Variants in DCDC2 observed in about 807,000 individuals in gnomAD.
DCDC2 encodes doublecortin domain containing 2, also known as doublecortin domain-containing protein 2.
Under a neutral mutation model 50.2 loss-of-function variants are expected in DCDC2, and 40 were observed. The observed-to-expected ratio is 0.80, with a 90% CI of 0.62 to 1.04. The LOEUF (loss-of-function observed/expected upper bound fraction) is 1.04. Among genes scored for constraint, DCDC2 ranks in the 50% least tolerant of loss-of-function variants. The probability of loss-of-function intolerance (pLI) is 0.00; values close to 1 mark genes in which losing one functional copy is unlikely to be tolerated. For missense variants in DCDC2, 570 were observed against 581.9 expected (o/e 0.98, Z 0.21); for synonymous variants, 234 against 210.6 (o/e 1.11, Z -0.96).
At chr6:24,361,113 T>C (rs1760658723), upstream of DCDC2, among the ~76,000 whole-genome samples, 1 of 152,196 alleles carries the variant, frequency 6.6e-6, no homozygotes, top group Admixed American at 6.5e-5. Context: ...AGAAATATTT[T>C]TATTAAAGCC....
intron 2 of DCDC2, among the ~76,000 whole-genome samples, chr6:24,332,105 T>C (rs1466306897): frequency 6.6e-6 from 1 of 152,208 alleles, no homozygotes; most frequent in South Asian, 2.1e-4. Context: ...TGAATTGTAA[T>C]TGAAATACAT....
chr6:24,340,674 T>C (rs1244572712), intron 2 of DCDC2, among the ~76,000 whole-genome samples: 4 of 152,196 alleles, frequency 2.6e-5, no homozygotes, highest in Non-Finnish European at 4.4e-5. Context: ...TCACTTAGAA[T>C]ATAATTAACA....
At chr6:24,371,474 G>T in the DCDC2 span, among the ~76,000 whole-genome samples, 4 of 152,074 alleles carry the variant, frequency 2.6e-5, no homozygotes, top group African/African-American at 4.8e-5. Context: ...CGGGTGTGGT[G>T]GCACATGCCT....
At chr6:24,308,150 C>T (rs1053692194) in intron 2 of DCDC2, among the ~76,000 whole-genome samples, 1 of 152,152 alleles carries the variant, frequency 6.6e-6, no homozygotes, top group African/African-American at 2.4e-5. Context: ...AAGCCAAGAG[C>T]AGGGCAAAAG....
chr6:24,376,817 T>TAA, the DCDC2 span, among the ~76,000 whole-genome samples: 1 of 132,568 alleles, frequency 7.5e-6, no homozygotes, highest in Non-Finnish European at 1.6e-5. Context: ...GTTTTTTTAA[T>TAA]AAAAAAAAAA....
chr6:24,248,925 A>G (rs963857914), intron 7 of DCDC2, among the ~76,000 whole-genome samples: 2 of 152,190 alleles, frequency 1.3e-5, no homozygotes, highest in Non-Finnish European at 2.9e-5. Context: ...TTAAAACCAT[A>G]ACTACCAATT....
intron 7 of DCDC2, among the ~76,000 whole-genome samples, chr6:24,215,155 G>T (rs555792245): frequency 6.6e-6 from 1 of 152,112 alleles, no homozygotes; most frequent in South Asian, 2.1e-4. Context: ...TGTGAGAGAC[G>T]GAAGCTACAA....
chr6:24,349,479 A>G (rs547245643), intron 2 of DCDC2, among the ~76,000 whole-genome samples: 1 of 152,328 alleles, frequency 6.6e-6, no homozygotes, highest in Non-Finnish European at 1.5e-5. Context: ...GGGCAAGAGT[A>G]AGTGCTGGTA....
intron 7 of DCDC2, among the ~76,000 whole-genome samples, chr6:24,257,042 T>C (rs900345481): frequency 2.8e-4 from 42 of 152,218 alleles, no homozygotes; most frequent in African/African-American, 1.0e-3. Context: ...GTCAAATAAA[T>C]GGTCTTTTCT....
intron 3 of DCDC2, 21 bp downstream of exon 3, chr6:24,301,947 G>A (rs762506027): frequency 6.2e-6 from 10 of 1,612,852 alleles, no homozygotes; most frequent in South Asian, 5.5e-5. Flanking sequence ...TTAACTTGAA[G>A]TATAAAGGGT....
chr6:24,177,911 G>T (rs940944687), intron 9 of DCDC2, among the ~76,000 whole-genome samples: 2 of 152,144 alleles, frequency 1.3e-5, no homozygotes, highest in Non-Finnish European at 2.9e-5. Flanking sequence ...TCATAATAGA[G>T]AAAGTATTCC....
chr6:24,196,103 G>C (rs1295330864), intron 8 of DCDC2, among the ~76,000 whole-genome samples: 1 of 152,142 alleles, frequency 6.6e-6, no homozygotes, highest in Non-Finnish European at 1.5e-5. Flanking sequence ...ACATTAACTA[G>C]CTAATGGCCT....
At chr6:24,242,200 A>G (rs1762576389) in intron 7 of DCDC2, among the ~76,000 whole-genome samples, 1 of 152,110 alleles carries the variant, frequency 6.6e-6, no homozygotes, top group Admixed American at 6.5e-5. Flanking sequence ...AAATCATCTA[A>G]ATAATAAACA....
the DCDC2 span, among the ~76,000 whole-genome samples, chr6:24,382,983 G>A: frequency 6.6e-6 from 1 of 152,162 alleles, no homozygotes; most frequent in East Asian, 1.9e-4. Context: ...TTATTATAGG[G>A]TAAAATGTCT....
chr6:24,248,486 TA>T (rs1762732072), intron 7 of DCDC2, among the ~76,000 whole-genome samples: 1 of 152,316 alleles, frequency 6.6e-6, no homozygotes, highest in Non-Finnish European at 1.5e-5. Context: ...AGGATGTCCT[TA>T]ATCAGTGGTA....
intron 5 of DCDC2, among the ~76,000 whole-genome samples, chr6:24,289,999 T>TGAGATGGAG (rs1763707510): frequency 1.1e-5 from 1 of 87,152 alleles, no homozygotes; most frequent in African/African-American, 6.8e-5. Flanking sequence ...TTTTTTTTTT[T>TGAGATGGAG]TTTTTTTTTT....
At chr6:24,322,658 C>T (rs887457628) in intron 2 of DCDC2, among the ~76,000 whole-genome samples, 6 of 152,168 alleles carry the variant, frequency 3.9e-5, no homozygotes, top group African/African-American at 1.4e-4. Context: ...TTAACCGGAA[C>T]ATTCTTTTCT....
At chr6:24,341,770 T>C (rs1252445665) in intron 2 of DCDC2, among the ~76,000 whole-genome samples, 1 of 151,846 alleles carries the variant, frequency 6.6e-6, no homozygotes, top group Non-Finnish European at 1.5e-5. Context: ...GATCTAAGAG[T>C]GGGATTCAAG....
chr6:24,349,939 G>A (rs920385364), intron 2 of DCDC2, among the ~76,000 whole-genome samples: 14 of 152,112 alleles, frequency 9.2e-5, no homozygotes, highest in African/African-American at 2.9e-4. Flanking sequence ...AACAACCACA[G>A]AGTCACCTTA....
Sources: allele counts gnomAD v4.1 joint callset (sites outside exome capture counted in the v4.1 genomes callset), GRCh38; gene constraint gnomAD v4.1.1; transcripts MANE v1.5; gene names NCBI Gene and HGNC (gene_info 2026-07-23, HGNC 2026-07-21).